PRELID2: variants seen among roughly 807,000 people sequenced by gnomAD.
PRELID2 encodes the protein PRELI domain-containing protein 2.
PRELID2 carries 25 observed loss-of-function variants against 28.4 expected under a neutral mutation model. The ratio of observed to expected loss-of-function variants is 0.88; its 90% CI spans 0.64 to 1.23. The LOEUF is 1.23. Ranked by LOEUF, PRELID2 falls within the 50% of genes most tolerant of loss-of-function variation. The probability of loss-of-function intolerance (pLI) is 0.00; values close to 1 mark genes in which losing one functional copy is unlikely to be tolerated. For missense variants in PRELID2, 201 were observed against 214.4 expected, an observed-to-expected ratio of 0.94 and a Z score of 0.39; for synonymous variants, 76 against 71.6, an observed-to-expected ratio of 1.06 and a Z score of -0.31.
intron 1 of PRELID2, among the ~76,000 whole-genome samples, chr5:145,538,468 C>G (rs1752720481): frequency 6.6e-6 from 1 of 151,768 alleles, no homozygotes; most frequent in Admixed American, 6.6e-5. Context: ...TAAGTCACAC[C>G]AGCTGCATTT....
the PRELID2 span, among the ~76,000 whole-genome samples, chr5:145,392,775 A>C: frequency 3.9e-5 from 6 of 152,166 alleles, no homozygotes; most frequent in Non-Finnish European, 7.4e-5. Context: ...CTAGCCAATC[A>C]AATAACAGTA....
intron 1 of PRELID2, among the ~76,000 whole-genome samples, chr5:145,682,773 G>A (rs1015737522): frequency 1.3e-5 from 2 of 152,170 alleles, no homozygotes; most frequent in Non-Finnish European, 2.9e-5. Context: ...AAAGAGCCCA[G>A]CAGCGGTTCC....
intron 1 of PRELID2, among the ~76,000 whole-genome samples, chr5:145,475,839 C>T (rs1056479268): frequency 2.0e-5 from 3 of 151,942 alleles, no homozygotes; most frequent in African/African-American, 4.8e-5. Flanking sequence ...TCTGTTCATA[C>T]GTTAATAGGT....
At chr5:145,422,854 G>A in the PRELID2 span, among the ~76,000 whole-genome samples, 2 of 151,988 alleles carry the variant, frequency 1.3e-5, no homozygotes, top group Non-Finnish European at 2.9e-5. Context: ...ATTTTGGCAT[G>A]ATTTTGCAGT....
At chr5:145,581,964 T>C (rs1434446073) in intron 1 of PRELID2, among the ~76,000 whole-genome samples, 2 of 152,108 alleles carry the variant, frequency 1.3e-5, no homozygotes, top group Non-Finnish European at 2.9e-5. Flanking sequence ...TCAGTGCAAC[T>C]TAAAAGAAAT....
At chr5:145,556,951 G>T (rs944484498) in intron 1 of PRELID2, among the ~76,000 whole-genome samples, 1 of 151,996 alleles carries the variant, frequency 6.6e-6, no homozygotes, top group Non-Finnish European at 1.5e-5. Flanking sequence ...CTCTGACAAG[G>T]CCCAATATCT....
chr5:145,812,332 C>T (rs1429625756), intron 4 of PRELID2, among the ~76,000 whole-genome samples: 1 of 152,110 alleles, frequency 6.6e-6, no homozygotes, highest in East Asian at 1.9e-4. Flanking sequence ...AAATACTGCC[C>T]ACTTGGCTAT....
chr5:145,454,492 A>C, the PRELID2 span, among the ~76,000 whole-genome samples: 9 of 152,240 alleles, frequency 5.9e-5, 1 homozygote, highest in South Asian at 2.1e-4. Flanking sequence ...GTCAAATTGT[A>C]CCTGTTTGCA....
At chr5:145,259,742 C>T in the PRELID2 span, among the ~76,000 whole-genome samples, 1 of 152,082 alleles carries the variant, frequency 6.6e-6, no homozygotes, top group African/African-American at 2.4e-5. Flanking sequence ...ATGAGACTCT[C>T]GACTTCAGAC....
the PRELID2 span, among the ~76,000 whole-genome samples, chr5:145,406,148 C>A: frequency 6.6e-6 from 1 of 152,084 alleles, no homozygotes; most frequent in South Asian, 2.1e-4. Flanking sequence ...ACCTCCAACA[C>A]TGGGGATTAA....
At chr5:145,795,334 T>C (rs889915872) in intron 5 of PRELID2, 1 of 151,980 alleles carries the variant, frequency 6.6e-6, no homozygotes, top group Admixed American at 6.6e-5. Flanking sequence ...CAAGTCCAGG[T>C]TTAAAGAGGC....
intron 1 of PRELID2, among the ~76,000 whole-genome samples, chr5:145,726,027 AT>A (rs977970170): frequency 1.3e-5 from 2 of 151,644 alleles, no homozygotes; most frequent in African/African-American, 2.4e-5. Context: ...TACAAAAAAA[AT>A]TTTTTTTAAT....
intron 1 of PRELID2, among the ~76,000 whole-genome samples, chr5:145,504,273 ATAGAAC>A (rs1459154779): frequency 6.6e-6 from 1 of 152,182 alleles, no homozygotes; most frequent in African/African-American, 2.4e-5. Context: ...AATGGAGGTA[ATAGAAC>A]CCACATTCCA....
At chr5:145,636,431 A>G (rs1754003299) in intron 1 of PRELID2, among the ~76,000 whole-genome samples, 1 of 152,242 alleles carries the variant, frequency 6.6e-6, no homozygotes, top group South Asian at 2.1e-4. Context: ...TGCTTAGAAC[A>G]AAACAAAGAG....
intron 1 of PRELID2, among the ~76,000 whole-genome samples, chr5:145,535,513 TTTA>T (rs1752691333): frequency 6.6e-6 from 1 of 151,850 alleles, no homozygotes; most frequent in Non-Finnish European, 1.5e-5. Context: ...AGGAGTATTT[TTTA>T]TTATTATTAT....
chr5:145,408,652 C>T, the PRELID2 span, among the ~76,000 whole-genome samples: 1 of 151,322 alleles, frequency 6.6e-6, no homozygotes, highest in Non-Finnish European at 1.5e-5. Context: ...CAAATTAACC[C>T]AATGAGAAAA....
intron 1 of PRELID2, among the ~76,000 whole-genome samples, chr5:145,556,192 A>AG (rs1752878686): frequency 1.3e-5 from 2 of 151,610 alleles, no homozygotes; most frequent in African/African-American, 4.9e-5. Flanking sequence ...AAAAAAAAAA[A>AG]AAAAAGAAAA....
intron 1 of PRELID2, among the ~76,000 whole-genome samples, chr5:145,638,507 C>T (rs1377145162): frequency 6.6e-6 from 1 of 152,032 alleles, no homozygotes; most frequent in African/African-American, 2.4e-5. Context: ...ATATCTTACC[C>T]TTGCTATTCA....
intron 1 of PRELID2, among the ~76,000 whole-genome samples, chr5:145,707,631 C>A (rs1479846335): frequency 6.6e-6 from 1 of 152,078 alleles, no homozygotes; most frequent in Non-Finnish European, 1.5e-5. Context: ...AGTCTCAGGG[C>A]AACTACCAAG....
Sources: allele counts gnomAD v4.1 joint callset (sites outside exome capture counted in the v4.1 genomes callset), GRCh38; gene constraint gnomAD v4.1.1; transcripts MANE v1.5; gene names NCBI Gene and HGNC (gene_info 2026-07-23, HGNC 2026-07-21).